NRIP1: variants seen among roughly 807,000 people sequenced by gnomAD.
The protein encoded by NRIP1 is nuclear receptor-interacting protein 1.
A neutral mutation model predicts 75.0 loss-of-function variants in NRIP1; 28 were observed. That is an observed-to-expected ratio of 0.37 (90% CI 0.28 to 0.51). The LOEUF is 0.51. NRIP1 is among the 20% of genes least tolerant of loss of function. The probability of loss-of-function intolerance (pLI) is 0.92; values close to 1 mark genes in which losing one functional copy is unlikely to be tolerated. For missense variants in NRIP1, 1,435 were observed against 1,343.7 expected, an observed-to-expected ratio of 1.07 and a Z score of -1.06; for synonymous variants, 526 against 487.6, an observed-to-expected ratio of 1.08 and a Z score of -1.04.
intron 2 of NRIP1, among the ~76,000 whole-genome samples, chr21:15,021,924 A>G (rs1306134765): frequency 6.6e-6 from 1 of 152,200 alleles, no homozygotes; most frequent in Non-Finnish European, 1.5e-5. Flanking sequence ...AGAAAAAAGA[A>G]TACTTTACAT....
intron 2 of NRIP1, among the ~76,000 whole-genome samples, chr21:15,035,993 G>T (rs902360887): frequency 1.3e-5 from 2 of 152,172 alleles, no homozygotes; most frequent in African/African-American, 4.8e-5. Context: ...CAGTAGAGGA[G>T]TATCACTATT....
At chr21:15,048,921 T>A (rs1049267446) in intron 1 of NRIP1, among the ~76,000 whole-genome samples, 14 of 152,162 alleles carry the variant, frequency 9.2e-5, no homozygotes, top group Non-Finnish European at 2.1e-4. Context: ...CTTAATGCAA[T>A]CAACAGGTGT....
intron 3 of NRIP1, among the ~76,000 whole-genome samples, chr21:14,973,384 G>T (rs2086957734): frequency 6.6e-6 from 1 of 152,092 alleles, no homozygotes; most frequent in Non-Finnish European, 1.5e-5. Context: ...TTACTAGCCT[G>T]CCTTTAAACA....
intron 3 of NRIP1, among the ~76,000 whole-genome samples, chr21:15,009,141 T>A (rs1218493116): frequency 6.6e-6 from 1 of 152,172 alleles, no homozygotes; most frequent in Non-Finnish European, 1.5e-5. Context: ...TCCACTATAA[T>A]TATGGCAGAT....
chr21:15,058,559 A>C (rs1478501594), intron 1 of NRIP1, among the ~76,000 whole-genome samples: 1 of 152,206 alleles, frequency 6.6e-6, no homozygotes, highest in Non-Finnish European at 1.5e-5. Flanking sequence ...AACACTTGCT[A>C]TCTCTCAACT....
chr21:15,003,175 C>T (rs115079156), intron 3 of NRIP1, among the ~76,000 whole-genome samples: 2,554 of 152,000 alleles, frequency 0.017, 78 homozygotes, highest in African/African-American at 0.058. Flanking sequence ...ACATACATTG[C>T]CACATTTTAA....
intron 1 of NRIP1, among the ~76,000 whole-genome samples, chr21:15,058,585 C>G (rs1019340747): frequency 2.0e-5 from 3 of 152,160 alleles, no homozygotes; most frequent in African/African-American, 7.2e-5. Context: ...ATAGATTCCT[C>G]AAGAGAGAAG....
intron 2 of NRIP1, among the ~76,000 whole-genome samples, chr21:15,034,349 T>C (rs2088782507): frequency 6.6e-6 from 1 of 152,186 alleles, no homozygotes; most frequent in African/African-American, 2.4e-5. Context: ...GTGAGTCACT[T>C]CCAAACTCAT....
intron 2 of NRIP1, among the ~76,000 whole-genome samples, chr21:15,042,997 T>C (rs960642485): frequency 6.6e-6 from 1 of 152,176 alleles, no homozygotes; most frequent in East Asian, 1.9e-4. Flanking sequence ...ATTTCGCAAA[T>C]GGATGTTCGG....
intron 2 of NRIP1, among the ~76,000 whole-genome samples, chr21:15,028,080 A>G (rs555940164): frequency 1.1e-4 from 16 of 152,334 alleles, no homozygotes; most frequent in Non-Finnish European, 1.6e-4. Context: ...ACTCTAAATC[A>G]AATTTGCTAT....
intron 2 of NRIP1, among the ~76,000 whole-genome samples, chr21:15,022,163 T>C (rs552000150): frequency 6.6e-6 from 1 of 152,274 alleles, no homozygotes; most frequent in East Asian, 1.9e-4. Context: ...AGTGATAGAC[T>C]GGATAAAGAA....
chr21:15,048,742 C>T (rs2089140642), intron 1 of NRIP1, among the ~76,000 whole-genome samples: 1 of 152,186 alleles, frequency 6.6e-6, no homozygotes, highest in Non-Finnish European at 1.5e-5. Context: ...ATAGGCAATA[C>T]CTTAATTGCA....
At chr21:15,029,983 ACT>A (rs1427045859) in intron 2 of NRIP1, among the ~76,000 whole-genome samples, 1 of 152,052 alleles carries the variant, frequency 6.6e-6, no homozygotes, top group Non-Finnish European at 1.5e-5. Context: ...ACCTGTAGAA[ACT>A]CACCCTCTTC....
At position 14,965,795 on chromosome 21, in the gene NRIP1, C is replaced by G. The variant is rs1245284098; in HGVS notation, c.2398G>C (p.Asp800His). The G allele has an allele frequency of 1.2e-6, 2 of 1,613,998 alleles. No individual in the cohort carries two copies. Among genetic ancestry groups the G allele is most frequent in the Non-Finnish European group, 1.7e-6 (2 of 1,179,962 alleles). ...RSAPALPVSE[D>H]FKSEPVSPQD... Reference sequence around the variant, plus strand: ...GGTGAAACAGGCTCCGATTTAAAGTCTTCGGACACTGGTAAGGCAGGTGCG... The same window carrying G: ...GGTGAAACAGGCTCCGATTTAAAGTGTTCGGACACTGGTAAGGCAGGTGCG... The change falls in exon 4 of 4, where the codon GAC (aspartate) becomes CAC (histidine). Residue 800 changes from aspartate to histidine, a missense_variant. Coordinates refer to ENST00000318948, the MANE Select transcript of NRIP1 (RefSeq NM_003489.4).
Position 14,961,750 on chromosome 21 carries a change from T to C in NRIP1, c.*2966A>G, listed in dbSNP as rs2086594986. The C allele has an allele frequency of 2.6e-5, 4 of 152,258 alleles. No individual in the cohort carries two copies. In the South Asian group the frequency reaches 8.3e-4, roughly 32 times the overall value. 9.4% of individuals were successfully genotyped at this position (152,258 alleles called of 1,614,324 possible). A position where few individuals can be genotyped will look rare whatever the true frequency, so the allele number is the denominator to read the frequency against. On this transcript the variant is annotated 3_prime_UTR_variant, in exon 4 of 4. Coordinates refer to ENST00000318948, the MANE Select transcript of NRIP1 (RefSeq NM_003489.4). ...CCCCATGCACTTTTCATGCAGCAGG[T>C]AATCACAACTTAAATAAAAGGTTTA...
intron 2 of NRIP1, among the ~76,000 whole-genome samples, chr21:15,022,281 G>A (rs767209230): frequency 4.6e-5 from 7 of 152,260 alleles, no homozygotes; most frequent in Admixed American, 3.9e-4. Flanking sequence ...AAACTAACGC[G>A]GAACAGAAAA....
intron 1 of NRIP1, among the ~76,000 whole-genome samples, chr21:15,062,365 C>A (rs1450922869): frequency 6.6e-6 from 1 of 152,214 alleles, no homozygotes; most frequent in Non-Finnish European, 1.5e-5. Flanking sequence ...AGTTGTAATG[C>A]TCTCCTGTAT....
At chr21:15,010,574 T>G (rs1773287354) in intron 3 of NRIP1, among the ~76,000 whole-genome samples, 1 of 152,224 alleles carries the variant, frequency 6.6e-6, no homozygotes, top group African/African-American at 2.4e-5. Context: ...TAAAAAAATG[T>G]TAATTGTATT....
intron 2 of NRIP1, among the ~76,000 whole-genome samples, chr21:15,015,500 G>C (rs1195523705): frequency 2.0e-5 from 3 of 152,052 alleles, no homozygotes; most frequent in Admixed American, 2.0e-4. Context: ...AATCATGGAG[G>C]ATAGGTGTAA....
Sources: gnomAD v4.1 joint callset for allele counts (sites outside exome capture counted in the v4.1 genomes callset) on GRCh38, gnomAD v4.1.1 for gene constraint, MANE v1.5 for transcripts, NCBI Gene and HGNC (gene_info 2026-07-23, HGNC 2026-07-21) for gene names.